Variants in FBXO31 observed in about 807,000 individuals in gnomAD.
FBXO31 encodes the protein F-box only protein 31.
A neutral mutation model predicts 54.4 loss-of-function variants in FBXO31; 24 were observed. The observed-to-expected ratio is 0.44, with a 90% CI of 0.32 to 0.62. FBXO31 has a LOEUF of 0.62. Among genes scored for constraint, FBXO31 ranks in the 20% least tolerant of loss-of-function variants. The pLI is 0.05. For synonymous variants in FBXO31, 388 were observed against 335.6 expected (o/e 1.16, Z -1.71); for missense variants, 665 against 787.1 (o/e 0.84, Z 1.86).
intron 2 of FBXO31, among the ~76,000 whole-genome samples, chr16:87,352,539 G>A (rs1011485237): frequency 2.6e-5 from 4 of 152,074 alleles, no homozygotes; most frequent in Non-Finnish European, 4.4e-5. Context: ...AGTATCACCC[G>A]AATCCCACAG....
At position 87,328,434 on chromosome 16, in the gene FBXO31, CGAA is replaced by C. The variant is rs1338898247; in HGVS notation, c.*2851_*2853del. 1 of 152,412 alleles carries C rather than the reference CGAA, an allele frequency of 6.6e-6. No homozygotes were observed. Among genetic ancestry groups the C allele is most frequent in the Non-Finnish European group, 1.5e-5 (1 of 68,228 alleles). 9.4% of individuals were successfully genotyped at this position (152,412 alleles called of 1,614,324 possible). A position where few individuals can be genotyped will look rare whatever the true frequency, so the allele number is the denominator to read the frequency against. The stretch of plus-strand genomic sequence containing the variant: ...AAGGGGCCCAGGGCATGGTCAGGAA[CGAA>C]GAAGGAGGGAGCCTGAGGCTCTCCC... On this transcript the variant is annotated 3_prime_UTR_variant, in exon 9 of 9. Coordinates refer to ENST00000311635, the MANE Select transcript of FBXO31 (RefSeq NM_024735.5).
chr16:87,390,372 G>A (rs1309255276), upstream of FBXO31, among the ~76,000 whole-genome samples: 1 of 152,140 alleles, frequency 6.6e-6, no homozygotes, highest in Non-Finnish European at 1.5e-5. Context: ...ATTATACAAG[G>A]ATCTATGACA....
intron 1 of FBXO31, among the ~76,000 whole-genome samples, chr16:87,362,283 A>G (rs1164545903): frequency 1.3e-5 from 2 of 152,284 alleles, no homozygotes; most frequent in African/African-American, 2.4e-5. Context: ...TATCTTTTCA[A>G]TGTGCAGTCA....
upstream of FBXO31, among the ~76,000 whole-genome samples, chr16:87,391,148 C>G (rs112618264): frequency 0.015 from 2,235 of 152,202 alleles, 33 homozygotes; most frequent in South Asian, 0.019. Flanking sequence ...GCCAGGAGTT[C>G]AAGACCAGCC....
intron 2 of FBXO31, 142 bp downstream of exon 2, chr16:87,360,153 G>A (rs1173460240): frequency 1.4e-6 from 1 of 718,048 alleles, no homozygotes; most frequent in Admixed American, 2.2e-5. Context: ...TACTACCAGT[G>A]CTCTATTCAA....
At chr16:87,342,664 G>C (rs1216803724) in intron 5 of FBXO31, among the ~76,000 whole-genome samples, 2 of 152,204 alleles carry the variant, frequency 1.3e-5, no homozygotes. Flanking sequence ...CGTTCTGCAG[G>C]GGGAGGGGAC....
intron 1 of FBXO31, chr16:87,367,923 C>G (rs1906437813): frequency 6.6e-6 from 1 of 152,232 alleles, no homozygotes; most frequent in African/African-American, 2.4e-5. Flanking sequence ...TGAATTTTCA[C>G]TGAGCCCAAT....
intron 7 of FBXO31, 46 bp from the exon 8 acceptor site, chr16:87,334,332 G>T (rs148548066): frequency 1.2e-4 from 185 of 1,512,468 alleles, no homozygotes; most frequent in Non-Finnish European, 6.9e-5. Context: ...AGCAGCAGCA[G>T]CAGTACCACT....
intron 1 of FBXO31, among the ~76,000 whole-genome samples, chr16:87,371,864 CTTCCGGG>C (rs1412021495): frequency 6.6e-6 from 1 of 152,176 alleles, no homozygotes; most frequent in African/African-American, 2.4e-5. Context: ...GACTCAACAC[CTTCCGGG>C]TGCCAGATTC....
chr16:87,341,655 CAAAAAAAAAAAAA>C (rs397854967), intron 5 of FBXO31, among the ~76,000 whole-genome samples: 3 of 70,680 alleles, frequency 4.2e-5, no homozygotes, highest in African/African-American at 1.0e-4. Flanking sequence ...GACTCCGTCT[CAAAAAAAAAAAAA>C]AAAAAAAAAA....
intron 8 of FBXO31, 93 bp from the exon 9 acceptor site, chr16:87,331,603 A>C (rs1330983178): frequency 1.0e-5 from 11 of 1,049,476 alleles, no homozygotes; most frequent in Admixed American, 9.3e-5. Context: ...TCTGTGCCGC[A>C]AGAGCCACAT....
chr16:87,388,503 G>A (rs949676328), upstream of FBXO31, among the ~76,000 whole-genome samples: 3 of 152,228 alleles, frequency 2.0e-5, no homozygotes, highest in Admixed American at 1.3e-4. Context: ...CTTCCAATCA[G>A]AAAGAGGAGA....
Position 87,331,177 on chromosome 16 carries a change from T to C in FBXO31, c.*111A>G, listed in dbSNP as rs1447655642. ...GGCTGGACTGGGCCCCCCGACGAGG[T>C]GTGCGTTCTGGTCAAAAGGCCGGAT... On this transcript the variant is annotated 3_prime_UTR_variant, in exon 9 of 9. Transcript: ENST00000311635. The C allele has an allele frequency of 4.8e-6, 5 of 1,042,506 alleles. No homozygotes were observed. Among genetic ancestry groups the C allele is most frequent in the Non-Finnish European group, 7.1e-6 (5 of 701,150 alleles). 64.6% of individuals were successfully genotyped at this position (1,042,506 alleles called of 1,614,324 possible). A position where few individuals can be genotyped will look rare whatever the true frequency, so the allele number is the denominator to read the frequency against.
chr16:87,375,357 TG>T (rs1906779123), intron 1 of FBXO31, among the ~76,000 whole-genome samples: 1 of 149,708 alleles, frequency 6.7e-6, no homozygotes, highest in African/African-American at 2.5e-5. Flanking sequence ...CTGGGCATGG[TG>T]GTGCATGTTT....
chr16:87,373,147 A>G (rs1442984471), intron 1 of FBXO31, among the ~76,000 whole-genome samples: 1 of 150,684 alleles, frequency 6.6e-6, no homozygotes, highest in African/African-American at 2.4e-5. Flanking sequence ...GTGATCCACA[A>G]CACCCAGCCA....
rs1381558469 is a variant in FBXO31, at chr16:87,345,855, G to A, written c.489+1319C>T. ...CCATGTCTGGCACCTGCAGGCTGGA[G>A]AGGCACACACGGAGACCAGGTCTAC... On this transcript the variant is annotated intron_variant, in intron 3 of 8. Transcript: ENST00000311635. This position sits in a 1 kb window ranked among gnomAD's most constrained non-coding sequence, Gnocchi z 4.9. Among the ~76,000 whole-genome samples, 2 of 152,070 alleles carry A rather than the reference G, an allele frequency of 1.3e-5. No homozygotes were observed. Among genetic ancestry groups the A allele is most frequent in the South Asian group, 4.1e-4 (2 of 4,822 alleles).
intron 2 of FBXO31, among the ~76,000 whole-genome samples, 171 bp from the exon 3 acceptor site, chr16:87,347,421 C>T (rs573448786): frequency 1.3e-5 from 2 of 152,254 alleles, no homozygotes; most frequent in African/African-American, 2.4e-5. Flanking sequence ...AGGCCGGGTG[C>T]GGTGGCTCAC....
At chr16:87,385,192 C>T (rs189488251), upstream of FBXO31, among the ~76,000 whole-genome samples, 353 of 152,294 alleles carry the variant, frequency 2.3e-3, 2 homozygotes, top group African/African-American at 8.1e-3. Flanking sequence ...GGCGCGGTGG[C>T]TCACGCCTGT....
intron 7 of FBXO31, among the ~76,000 whole-genome samples, chr16:87,334,746 C>T (rs150677577): frequency 1.3e-5 from 2 of 152,358 alleles, no homozygotes; most frequent in African/African-American, 4.8e-5. Flanking sequence ...CCCCTTCAGG[C>T]GCTGTCTGCC....
Sources: gnomAD v4.1 joint callset for allele counts (sites outside exome capture counted in the v4.1 genomes callset) on GRCh38, gnomAD v4.1.1 for gene constraint, Gnocchi (gnomAD v3.1) non-coding constraint, MANE v1.5 for transcripts, NCBI Gene and HGNC (gene_info 2026-07-23, HGNC 2026-07-21) for gene names.